PHACTR1: variants seen among roughly 807,000 people sequenced by gnomAD.
PHACTR1 encodes RPEL repeat containing 1.
A neutral mutation model predicts 69.2 loss-of-function variants in PHACTR1; 16 were observed. The ratio of observed to expected loss-of-function variants is 0.23; its 90% CI spans 0.16 to 0.35. The LOEUF is 0.35. Among genes scored for constraint, PHACTR1 ranks in the 10% least tolerant of loss-of-function variants. PHACTR1 has a pLI of 1.00. For missense variants in PHACTR1, 510 were observed against 734.7 expected (o/e 0.69, Z 3.54); for synonymous variants, 312 against 284.5 (o/e 1.10, Z -0.97).
intron 5 of PHACTR1, among the ~76,000 whole-genome samples, chr6:13,097,527 C>A (rs1277035153): frequency 6.6e-6 from 1 of 152,166 alleles, no homozygotes; most frequent in Non-Finnish European, 1.5e-5. Flanking sequence ...TACTTTTGAG[C>A]CTTACAAAAC....
chr6:13,286,070 G>C, intron 13 of PHACTR1, 76 bp from the exon 14 acceptor site: 2 of 1,231,800 alleles, frequency 1.6e-6, no homozygotes, highest in Non-Finnish European at 2.3e-6. Flanking sequence ...AAAATATGTT[G>C]TTAGGAATGA....
At chr6:13,209,398 A>C (rs1766447556) in intron 8 of PHACTR1, among the ~76,000 whole-genome samples, 1 of 152,200 alleles carries the variant, frequency 6.6e-6, no homozygotes, top group African/African-American at 2.4e-5. Flanking sequence ...AAAACTCTGC[A>C]AGAAGGGAGA....
intron 3 of PHACTR1, among the ~76,000 whole-genome samples, chr6:12,721,607 C>T (rs1248884220): frequency 6.6e-6 from 1 of 152,188 alleles, no homozygotes; most frequent in Non-Finnish European, 1.5e-5. Context: ...CTTCATTTCA[C>T]TTTAAAGATG....
At chr6:13,212,142 G>A (rs1766948631) in intron 8 of PHACTR1, among the ~76,000 whole-genome samples, 1 of 152,080 alleles carries the variant, frequency 6.6e-6, no homozygotes, top group Non-Finnish European at 1.5e-5. Context: ...GTGGATTAGG[G>A]CCCACACCAC....
chr6:12,850,046 G>T (rs1009231388), intron 4 of PHACTR1, among the ~76,000 whole-genome samples: 3 of 152,118 alleles, frequency 2.0e-5, no homozygotes, highest in African/African-American at 7.2e-5. Flanking sequence ...AGGATTTCTT[G>T]TCTTCTATGT....
chr6:13,054,882 C>T (rs1267932253), intron 5 of PHACTR1, among the ~76,000 whole-genome samples: 4 of 152,138 alleles, frequency 2.6e-5, no homozygotes, highest in Admixed American at 1.3e-4. Context: ...TTCCTTCTTC[C>T]CTCTACATCC....
At chr6:12,865,817 G>A (rs1306431836) in intron 4 of PHACTR1, among the ~76,000 whole-genome samples, 1 of 152,138 alleles carries the variant, frequency 6.6e-6, no homozygotes, top group African/African-American at 2.4e-5. Flanking sequence ...TGCATGAGGA[G>A]TTTGGTATGT....
intron 3 of PHACTR1, among the ~76,000 whole-genome samples, chr6:12,735,362 A>G (rs184306268): frequency 5.3e-5 from 8 of 152,346 alleles, no homozygotes; most frequent in Non-Finnish European, 2.9e-5. Context: ...CACAGAGACC[A>G]AGCCTAATTC....
chr6:13,205,271 C>G (rs942539149), intron 7 of PHACTR1, among the ~76,000 whole-genome samples: 1 of 152,194 alleles, frequency 6.6e-6, no homozygotes, highest in African/African-American at 2.4e-5. Flanking sequence ...CCTGGGAGAG[C>G]TCGAACTCGC....
chr6:12,905,846 C>T (rs1044695103), intron 4 of PHACTR1, among the ~76,000 whole-genome samples: 9 of 152,172 alleles, frequency 5.9e-5, no homozygotes, highest in South Asian at 2.1e-4. Context: ...AATATTCCTA[C>T]GTGGCAACAT....
rs754367319 is a variant in PHACTR1 at position 13,072,489 on chromosome 6, AT to A, written c.415+18966del. On this transcript the variant is annotated intron_variant, in intron 5 of 14. Transcript: ENST00000332995. ...TGATCATTTATACATACTTGCTTTC[AT>A]TTTTTCATAATAATTCCACATAGTT... Among the ~76,000 whole-genome samples the A allele has an allele frequency of 4.0e-4, 49 of 123,416 alleles. 1 individual carries two copies. Among genetic ancestry groups the A allele is most frequent in the South Asian group, 7.9e-4 (3 of 3,804 alleles). The allele number at this position is 123,416 out of a possible 152,430, so 81.0% of individuals were successfully genotyped here.
intron 4 of PHACTR1, chr6:12,957,848 CG>C: frequency 2.0e-6 from 2 of 985,394 alleles, no homozygotes; most frequent in Non-Finnish European, 2.4e-6. Context: ...TTGGCACGGC[CG>C]GGAAGGAAGG....
intron 3 of PHACTR1, among the ~76,000 whole-genome samples, chr6:12,729,191 C>T (rs1763172502): frequency 6.6e-6 from 1 of 152,132 alleles, no homozygotes; most frequent in African/African-American, 2.4e-5. Context: ...ACGAAACAGC[C>T]TTAAAACACA....
chr6:13,017,258 A>AT (rs556805640), intron 4 of PHACTR1, among the ~76,000 whole-genome samples: 50 of 149,650 alleles, frequency 3.3e-4, no homozygotes, highest in African/African-American at 1.1e-3. Flanking sequence ...CATCAAGTTG[A>AT]TTTTTTTAAT....
intron 10 of PHACTR1, among the ~76,000 whole-genome samples, chr6:13,263,445 A>G (rs775501936): frequency 6.6e-6 from 1 of 151,888 alleles, no homozygotes; most frequent in Non-Finnish European, 1.5e-5. Context: ...GAACCCAGAG[A>G]TTTTTTCAGT....
At chr6:13,042,719 A>G (rs999502360) in intron 4 of PHACTR1, among the ~76,000 whole-genome samples, 4 of 152,226 alleles carry the variant, frequency 2.6e-5, no homozygotes, top group Non-Finnish European at 5.9e-5. Context: ...TGGAACGCTT[A>G]TTAGCCAGGT....
chr6:13,056,408 G>A (rs150492855), intron 5 of PHACTR1, among the ~76,000 whole-genome samples: 20 of 152,280 alleles, frequency 1.3e-4, no homozygotes, highest in Admixed American at 3.3e-4. Flanking sequence ...TCACACATAT[G>A]CAAAGCAAAC....
rs80093564 is a variant in PHACTR1, at chr6:13,015,391, G to T, written c.251-37974G>T. Among the ~76,000 whole-genome samples the T allele has an allele frequency of 5.3e-5, 8 of 152,268 alleles. No homozygotes were observed. In the East Asian group the frequency reaches 1.5e-3, roughly 29 times the overall value. On this transcript the variant is annotated intron_variant, in intron 4 of 14. Transcript: ENST00000332995. The stretch of plus-strand genomic sequence containing the variant: ...TGAACGCCCCTGCTATTAGGTGTAG[G>T]GGGGATATACGTTTCTGAGAAGCAC...
chr6:12,967,283 G>A (rs1793618759), intron 4 of PHACTR1, among the ~76,000 whole-genome samples: 1 of 152,202 alleles, frequency 6.6e-6, no homozygotes, highest in Admixed American at 6.6e-5. Flanking sequence ...AAGGAGGTGA[G>A]CATTCTTTCT....
Sources: gnomAD v4.1 joint callset for allele counts (sites outside exome capture counted in the v4.1 genomes callset) on GRCh38, gnomAD v4.1.1 for gene constraint, MANE v1.5 for transcripts, NCBI Gene and HGNC (gene_info 2026-07-23, HGNC 2026-07-21) for gene names.